DNPEP: variants seen among roughly 807,000 people sequenced by gnomAD.
DNPEP encodes aspartyl aminopeptidase.
A neutral mutation model predicts 59.1 loss-of-function variants in DNPEP; 46 were observed. The ratio of observed to expected loss-of-function variants is 0.78; its 90% confidence interval spans 0.61 to 0.99. The LOEUF is 0.99. Ranked by LOEUF, DNPEP falls within the 50% of genes least tolerant of loss-of-function variation. The pLI is 0.00. For synonymous variants in DNPEP, 229 were observed against 242.2 expected (o/e 0.95, Z 0.50); for missense variants, 617 against 649.9 (o/e 0.95, Z 0.55).
Position 219,374,104 on chromosome 2 carries a change from C to T in DNPEP, c.*188G>A. The T allele has an allele frequency of 5.0e-6, 3 of 594,962 alleles. No homozygotes were observed. Among genetic ancestry groups the T allele is most frequent in the South Asian group, 4.4e-5 (2 of 45,372 alleles). The allele number at this position is 594,962 out of a possible 1,614,324, so 36.9% of individuals were successfully genotyped here. A position where few individuals can be genotyped will look rare whatever the true frequency, so the allele number is the denominator to read the frequency against. On this transcript the variant is annotated 3_prime_UTR_variant, in exon 15 of 15. Coordinates refer to ENST00000273075, the MANE Select transcript of DNPEP (RefSeq NM_012100.4). ...TCAGCTCCCAGGAGTGTGGCCTCCT[C>T]CACCTGCTCCCCAACTTTTCTGGTT...
At chr2:219,392,004 A>G (rs1178007697), upstream of DNPEP, among the ~76,000 whole-genome samples, 2 of 152,230 alleles carry the variant, frequency 1.3e-5, no homozygotes, top group Non-Finnish European at 2.9e-5. Context: ...ACAATGAGCT[A>G]AATTTATATT....
chr2:219,378,450 G>A (rs1953458307), intron 13 of DNPEP, among the ~76,000 whole-genome samples: 1 of 152,200 alleles, frequency 6.6e-6, no homozygotes, highest in Non-Finnish European at 1.5e-5. Context: ...CGTCCTCAGA[G>A]AAGGCTTCCT....
intron 1 of DNPEP, among the ~76,000 whole-genome samples, chr2:219,396,203 T>C (rs1384745132): frequency 6.6e-6 from 1 of 152,188 alleles, no homozygotes; most frequent in African/African-American, 2.4e-5. Context: ...GATAGTTCTA[T>C]GTCTTGATTA....
upstream of DNPEP, among the ~76,000 whole-genome samples, chr2:219,388,344 C>T (rs1953944229): frequency 1.4e-5 from 2 of 146,134 alleles, no homozygotes; most frequent in African/African-American, 2.5e-5. Flanking sequence ...CCTTGCGCTC[C>T]CCGCCCCTTG....
chr2:219,383,128 T>C lies in DNPEP; in HGVS notation c.936+3A>G, dbSNP rs201559923. 1 of 1,613,798 alleles carries C rather than the reference T, an allele frequency of 6.2e-7. No individual in the cohort carries two copies. Among genetic ancestry groups the C allele is most frequent in the African/African-American group, 1.3e-5 (1 of 74,938 alleles). On this transcript the variant is annotated splice_donor_region_variant and intron_variant, in intron 10 of 14. Coordinates refer to ENST00000273075, the MANE Select transcript of DNPEP (RefSeq NM_012100.4). The stretch of plus-strand genomic sequence containing the variant: ...GTGACCCTCCCCAGAACCCTCCACG[T>C]ACCTCTTCGTTGTCATAGAGTGTGA...
upstream of DNPEP, among the ~76,000 whole-genome samples, chr2:219,391,874 A>AT: frequency 6.9e-6 from 1 of 144,658 alleles, no homozygotes; most frequent in East Asian, 1.9e-4. Flanking sequence ...GCAGTTCATA[A>AT]AAAAAAAAAA....
In DNPEP at chr2:219,372,950, A is replaced by C. The variant is rs1297968707; in HGVS notation, c.*1342T>G. Among the ~76,000 whole-genome samples, 3 of 152,224 alleles carry C rather than the reference A, an allele frequency of 2.0e-5. No individual in the cohort carries two copies. Among genetic ancestry groups the C allele is most frequent in the Non-Finnish European group, 4.4e-5 (3 of 68,044 alleles). On this transcript the variant is annotated 3_prime_UTR_variant, in exon 15 of 15. Coordinates refer to ENST00000273075, the MANE Select transcript of DNPEP (RefSeq NM_012100.4). ...TAAGTTTTTTAGAAAGCTGAAGTGG[A>C]ATATTTATATGGAAATAAACTTTTA...
At chr2:219,387,976 C>A (rs1229696283), upstream of DNPEP, 1 of 1,240,008 alleles carries the variant, frequency 8.1e-7, no homozygotes, top group Non-Finnish European at 1.0e-6. Context: ...CCCTCGGCAT[C>A]CGCCCCGCCC....
At position 219,398,475 on chromosome 2, in the gene DNPEP, C is replaced by T. The variant is rs185980561; in HGVS notation, c.-158+1465G>A. Among the ~76,000 whole-genome samples, 538 of 152,278 alleles carry T rather than the reference C, an allele frequency of 3.5e-3. 2 individuals are homozygous for T. Among genetic ancestry groups the T allele is most frequent in the African/African-American group, 0.012 (496 of 41,570 alleles). On this transcript the variant is annotated intron_variant, in intron 1 of 6. Transcript: ENST00000434339. ...GGCCAGTCTGGCCAACATGGTGAAA[C>T]CCTGTCTCTACTAAAAATACAAAAA...
Position 219,384,458 on chromosome 2 carries a change from C to T in DNPEP, c.775-15G>A. 5 of 1,604,214 alleles carry T rather than the reference C, an allele frequency of 3.1e-6. No individual in the cohort carries two copies. Among genetic ancestry groups the T allele is most frequent in the Non-Finnish European group, 4.3e-6 (5 of 1,175,388 alleles). ...CCACCCAAGACCTAGAGAGGTAAGA[C>T]AGTCAGCCCGACCTTCAACCCTCCA... On this transcript the variant is annotated splice_polypyrimidine_tract_variant and intron_variant, in intron 8 of 14. Transcript: ENST00000273075.
chr2:219,392,773 G>A (rs574956428), upstream of DNPEP, among the ~76,000 whole-genome samples: 269 of 152,330 alleles, frequency 1.8e-3, 1 homozygote, highest in Non-Finnish European at 2.9e-3. Flanking sequence ...GCCTCCCAAA[G>A]TGCTGGGATT....
At chr2:219,375,917 G>A (rs192305740) in intron 13 of DNPEP, among the ~76,000 whole-genome samples, 3 of 152,026 alleles carry the variant, frequency 2.0e-5, no homozygotes, top group East Asian at 1.9e-4. Flanking sequence ...CCAAAGCACC[G>A]TCCCCTCCCC....
chr2:219,374,961 C>T lies in DNPEP; in HGVS notation c.1301G>A (p.Arg434Gln), dbSNP rs1459742930. Residue 434 changes from arginine (R) to glutamine (Q), a missense_variant, in exon 14 of 15, where the codon CGG becomes CAG. Arg to Gln is a conservative substitution (Grantham distance 43). Transcript: ENST00000273075. ...GTTIGPILAS[R>Q]LGLRVLDLGS... The stretch of plus-strand genomic sequence containing the variant: ...TAAATCCAGCACCCGCAGCCCCAGC[C>T]GAGAAGCCAAGATAGGTCCAATGGT... The T allele has an allele frequency of 5.6e-6, 9 of 1,614,102 alleles. No homozygotes were observed. Among genetic ancestry groups the T allele is most frequent in the Admixed American group, 1.7e-5 (1 of 60,002 alleles).
Position 219,387,081 on chromosome 2 carries a change from G to C in DNPEP, c.119C>G (p.Ser40Cys). ...ELLKFVNRSP[S>C]PFHAVAECRN... is the part of the protein sequence containing the mutation. Reference sequence around the variant, plus strand: ...TGGCCACCGCTTACCATGGAAAGGAGAGGGACTCCGGTTCACGAACTTGAG... The same window carrying C: ...TGGCCACCGCTTACCATGGAAAGGACAGGGACTCCGGTTCACGAACTTGAG... The change falls in exon 2 of 15, where the codon TCT becomes TGT. Residue 40 changes from serine to cysteine, a missense_variant. Ser to Cys is a moderately radical substitution (Grantham distance 112). Transcript: ENST00000273075. The C allele has an allele frequency of 1.9e-6, 3 of 1,601,086 alleles. No homozygotes were observed. The highest frequency in any genetic ancestry group is 2.6e-6 in the Non-Finnish European group (3 of 1,173,076).
chr2:219,377,346 A>C (rs1017135644), intron 13 of DNPEP, among the ~76,000 whole-genome samples: 1 of 145,602 alleles, frequency 6.9e-6, no homozygotes, highest in Admixed American at 6.9e-5. Context: ...ATTCCAGTTG[A>C]TAGGAAATAC....
rs560352729 is a variant in DNPEP at position 219,384,073 on chromosome 2, T to G, written c.852+293A>C. On this transcript the variant is annotated intron_variant, in intron 9 of 14. Coordinates refer to ENST00000273075, the MANE Select transcript of DNPEP (RefSeq NM_012100.4). ...TTTCCCTGAGGCAGAGGTTGTTAAC[T>G]TCAGGAAAAGCAGCAGGAGCAAGGC... Among the ~76,000 whole-genome samples, 6 of 152,294 alleles carry G rather than the reference T, an allele frequency of 3.9e-5. No homozygotes were observed. In the East Asian group the frequency reaches 1.2e-3, roughly 29 times the overall value.
chr2:219,388,548 GGCCCCGCCCT>G (rs1043569894), upstream of DNPEP: 15 of 257,284 alleles, frequency 5.8e-5, no homozygotes, highest in Non-Finnish European at 8.5e-5. Flanking sequence ...CTGCTCGTTA[GGCCCCGCCCT>G]GCACCCCCGT....
intron 6 of DNPEP, 61 bp from the exon 7 acceptor site, chr2:219,385,767 A>G (rs760793094): frequency 1.6e-5 from 24 of 1,487,580 alleles, no homozygotes; most frequent in Admixed American, 8.1e-5. Flanking sequence ...TGCGGCATCC[A>G]TAAGTTCAGG....
intron 13 of DNPEP, among the ~76,000 whole-genome samples, chr2:219,377,505 G>T (rs901137026): frequency 6.6e-6 from 1 of 152,034 alleles, no homozygotes; most frequent in African/African-American, 2.4e-5. Context: ...CAAATATAAC[G>T]CATTGTCCTG....
Sources: allele counts gnomAD v4.1 joint callset (sites outside exome capture counted in the v4.1 genomes callset), GRCh38; gene constraint gnomAD v4.1.1; transcripts MANE v1.5; gene names NCBI Gene and HGNC (gene_info 2026-07-23, HGNC 2026-07-21).